Variants in NCOA3 observed in about 807,000 individuals in gnomAD.
NCOA3 encodes the protein CBP-interacting protein.
NCOA3 carries 51 observed loss-of-function variants against 158.8 expected under a neutral mutation model. That is an observed-to-expected ratio of 0.32 (90% CI 0.26 to 0.41). The LOEUF (loss-of-function observed/expected upper bound fraction) is 0.41. Ranked by LOEUF, NCOA3 falls within the 10% of genes least tolerant of loss-of-function variation. The pLI, the probability that NCOA3 is intolerant of heterozygous loss-of-function variation, is 1.00. For missense variants in NCOA3, 1,510 were observed against 1,746.6 expected, an observed-to-expected ratio of 0.86 and a Z score of 2.41; for synonymous variants, 537 against 592.4, an observed-to-expected ratio of 0.91 and a Z score of 1.36.
At chr20:47,641,324 CTTTT>C (rs34173277) in intron 16 of NCOA3, among the ~76,000 whole-genome samples, 44 of 96,566 alleles carry the variant, frequency 4.6e-4, no homozygotes, top group African/African-American at 9.2e-4. Context: ...CTCAACATTT[CTTTT>C]TTTTTTTTTT....
At chr20:47,562,855 A>C (rs940637542) in intron 1 of NCOA3, among the ~76,000 whole-genome samples, 1 of 152,022 alleles carries the variant, frequency 6.6e-6, no homozygotes, top group South Asian at 2.1e-4. Context: ...CTTCTTTTAC[A>C]TGTAATTATG....
At chr20:47,631,872 A>G (rs1335393227) in intron 8 of NCOA3, among the ~76,000 whole-genome samples, 5 of 152,344 alleles carry the variant, frequency 3.3e-5, no homozygotes, top group Admixed American at 3.3e-4. Context: ...TATTCTGTAC[A>G]GCATTTGGGA....
At position 47,570,931 on chromosome 20, in the gene NCOA3, A is replaced by AAT. The variant is rs74178746; in HGVS notation, c.-98-12244_-98-12243dup. ...ACCACGTGCACCGTTAATGAGCAGT[A>AAT]ATATATATACACACACACACACACA... On this transcript the variant is annotated intron_variant, in intron 1 of 22. Coordinates refer to ENST00000371998, the MANE Select transcript of NCOA3 (RefSeq NM_181659.3). 5.6e-3 allele frequency among the ~76,000 whole-genome samples: 676 copies of AAT among 119,918 alleles called. 7 individuals carry two copies. The highest frequency in any genetic ancestry group is 0.02 in the African/African-American group (612 of 30,046). The allele number at this position is 119,918 out of a possible 152,430, so 78.7% of individuals were successfully genotyped here.
intron 2 of NCOA3, among the ~76,000 whole-genome samples, chr20:47,586,007 A>G (rs896212131): frequency 2.1e-5 from 3 of 145,520 alleles, no homozygotes; most frequent in African/African-American, 5.1e-5. Context: ...TGCAACCTCC[A>G]CTTCCAGGGT....
At chr20:47,648,911 A>G (rs2086734224) in intron 18 of NCOA3, 94 bp from the exon 19 acceptor site, 4 of 696,212 alleles carry the variant, frequency 5.7e-6, no homozygotes, top group African/African-American at 3.6e-5. Context: ...GTGTTTGGAG[A>G]TATTACCTCA....
rs34123990 is a variant in NCOA3, at chr20:47,511,524, G to GATATAT, written c.-99+9532_-99+9537dup. Among the ~76,000 whole-genome samples the GATATAT allele has an allele frequency of 5.6e-3, 124 of 22,004 alleles. 5 individuals are homozygous for GATATAT. Among genetic ancestry groups the GATATAT allele is most frequent in the African/African-American group, 0.011 (121 of 11,022 alleles). 14.4% of individuals were successfully genotyped at this position (22,004 alleles called of 152,430 possible). A position where few individuals can be genotyped will look rare whatever the true frequency, so the allele number is the denominator to read the frequency against. ...TAGCTGAGATATGTATCTCTCTCGAGATATATATATATATATATATATATA... is the reference window on the plus strand; with the variant it reads ...TAGCTGAGATATGTATCTCTCTCGAGATATATATATATATATATATATATATATATA... On this transcript the variant is annotated intron_variant, in intron 1 of 22. Transcript: ENST00000371998.
In NCOA3 at chr20:47,647,203, T is replaced by A; in HGVS notation, c.3383T>A (p.Leu1128His). The change falls in exon 18 of 23, where the codon CTT becomes CAT. Residue 1128 changes from leucine to histidine, a missense_variant. By Grantham distance (99) the Leu-to-His change is moderately conservative (BLOSUM62 -3). Transcript: ENST00000371998. Reference protein sequence around the residue: ...QGPPMQGGFHLQGQSPSFNSM... With the variant: ...QGPPMQGGFHHQGQSPSFNSM... ...CCTCCAATGCAAGGAGGCTTTCATCTTCAGGGACAATCACCATCTTTTAAC... is the reference window on the plus strand; with the variant it reads ...CCTCCAATGCAAGGAGGCTTTCATCATCAGGGACAATCACCATCTTTTAAC... The A allele has an allele frequency of 6.2e-7, 1 of 1,614,204 alleles. No homozygotes were observed. The highest frequency in any genetic ancestry group is 1.6e-4 in the Middle Eastern group (1 of 6,062).
intron 1 of NCOA3, among the ~76,000 whole-genome samples, chr20:47,517,251 A>G (rs1254338267): frequency 5.9e-5 from 9 of 152,152 alleles, no homozygotes; most frequent in Non-Finnish European, 1.5e-5. Context: ...ATTTTTTACT[A>G]TAACGAAACA....
intron 2 of NCOA3, among the ~76,000 whole-genome samples, chr20:47,586,971 G>A (rs979493781): frequency 2.0e-5 from 3 of 152,078 alleles, no homozygotes; most frequent in African/African-American, 7.2e-5. Flanking sequence ...CCTCTCTTTT[G>A]CCAAGCAATA....
chr20:47,611,756 C>CACTCCAGCCTGGGTGACAGAGCGAG, intron 2 of NCOA3, among the ~76,000 whole-genome samples: 1 of 152,216 alleles, frequency 6.6e-6, no homozygotes, highest in East Asian at 1.9e-4. Flanking sequence ...TGCGCCACTG[C>CACTCCAGCCTGGGTGACAGAGCGAG]ACTCCAGCCT....
intron 1 of NCOA3, among the ~76,000 whole-genome samples, chr20:47,508,507 A>G (rs758652210): frequency 3.9e-5 from 6 of 152,246 alleles, no homozygotes; most frequent in African/African-American, 9.6e-5. Flanking sequence ...AGTACAAAAG[A>G]AGAGAAAGCA....
intron 1 of NCOA3, among the ~76,000 whole-genome samples, chr20:47,530,461 C>CTT (rs11483053): frequency 0.064 from 8,305 of 129,310 alleles, 478 homozygotes; most frequent in Middle Eastern, 0.13. Context: ...AATGATTTAA[C>CTT]TTTTTTTTTT....
At chr20:47,535,846 A>C (rs980625743) in intron 1 of NCOA3, among the ~76,000 whole-genome samples, 1 of 152,108 alleles carries the variant, frequency 6.6e-6, no homozygotes, top group Non-Finnish European at 1.5e-5. Context: ...AGCTCTCAGC[A>C]GATGGATGGG....
At chr20:47,582,540 T>G (rs563366749) in intron 1 of NCOA3, among the ~76,000 whole-genome samples, 1 of 150,274 alleles carries the variant, frequency 6.7e-6, no homozygotes, top group East Asian at 2.0e-4. Flanking sequence ...ATTTTTATTT[T>G]TTTGTGTGTG....
At chr20:47,585,165 C>T (rs1157658344) in intron 2 of NCOA3, among the ~76,000 whole-genome samples, 3 of 147,400 alleles carry the variant, frequency 2.0e-5, no homozygotes, top group Admixed American at 6.9e-5. Context: ...AATTCTCATG[C>T]CTCAGCCTCC....
intron 1 of NCOA3, among the ~76,000 whole-genome samples, chr20:47,567,028 G>GTATGTATT (rs775128573): frequency 2.0e-5 from 3 of 151,282 alleles, no homozygotes; most frequent in Non-Finnish European, 4.4e-5. Flanking sequence ...ATGTATGTAT[G>GTATGTATT]TATGTATGTA....
intron 2 of NCOA3, among the ~76,000 whole-genome samples, chr20:47,602,155 C>CT (rs2085875262): frequency 6.6e-6 from 1 of 152,192 alleles, no homozygotes; most frequent in Admixed American, 6.5e-5. Flanking sequence ...AGTTTCTGTG[C>CT]TATTACAAAT....
In NCOA3 at chr20:47,593,125, G is replaced by A. The variant is rs538310777; in HGVS notation, c.-20+9864G>A. ...ATGTTTTGTATTTTGTAGAGATGGAGTTTCACCATGTTGGCCAGGCTGGTC... is the reference window on the plus strand; with the variant it reads ...ATGTTTTGTATTTTGTAGAGATGGAATTTCACCATGTTGGCCAGGCTGGTC... On this transcript the variant is annotated intron_variant, in intron 2 of 22. Transcript: ENST00000371998. Among the ~76,000 whole-genome samples, 27 of 152,140 alleles carry A rather than the reference G, an allele frequency of 1.8e-4. No individual in the cohort carries two copies. The South Asian group carries it at 5.4e-3, about 30-fold the overall frequency.
chr20:47,606,599 T>G (rs562546682), intron 2 of NCOA3, among the ~76,000 whole-genome samples: 1 of 152,200 alleles, frequency 6.6e-6, no homozygotes, highest in Non-Finnish European at 1.5e-5. Context: ...TACTGTCGTT[T>G]TAATGTTCTG....
Sources: allele counts gnomAD v4.1 joint callset (sites outside exome capture counted in the v4.1 genomes callset), GRCh38; gene constraint gnomAD v4.1.1; transcripts MANE v1.5; gene names NCBI Gene and HGNC (gene_info 2026-07-23, HGNC 2026-07-21).